The following GRM7 variants were observed in gnomAD, a reference collection of about 807,000 sequenced individuals.
GRM7 encodes the protein glutamate metabotropic receptor 7.
A neutral mutation model predicts 84.5 loss-of-function variants in GRM7; 35 were observed. That is an observed-to-expected ratio of 0.41 (90% CI 0.32 to 0.55). GRM7 has a LOEUF of 0.55. Among genes scored for constraint, GRM7 ranks in the 20% least tolerant of loss-of-function variants. The probability of loss-of-function intolerance (pLI) is 0.19; values close to 1 mark genes in which losing one functional copy is unlikely to be tolerated. For missense variants in GRM7, 1,003 were observed against 1,194.6 expected, an observed-to-expected ratio of 0.84 and a Z score of 2.36; for synonymous variants, 487 against 455.1, an observed-to-expected ratio of 1.07 and a Z score of -0.89.
rs534559057 is a variant in GRM7 at position 7,059,823 on chromosome 3, C to A, written c.520-86629C>A. ...TCAGCATTAAGATGTCTTCTAAGAA[C>A]CAAAACATTGGTCTTCTCCAGACAC... On this transcript the variant is annotated intron_variant, in intron 1 of 9. Transcript: ENST00000357716. Among the ~76,000 whole-genome samples the A allele has an allele frequency of 1.4e-4, 21 of 151,886 alleles. No homozygotes were observed. The South Asian group carries it at 3.9e-3, about 28-fold the overall frequency.
At chr3:7,648,294 G>T (rs1411415734) in intron 8 of GRM7, among the ~76,000 whole-genome samples, 1 of 151,128 alleles carries the variant, frequency 6.6e-6, no homozygotes, top group South Asian at 2.1e-4. Context: ...TGGCCATGAG[G>T]GGGAAGGAAA....
chr3:7,156,030 T>C (rs1694437769), intron 2 of GRM7, among the ~76,000 whole-genome samples: 1 of 152,180 alleles, frequency 6.6e-6, no homozygotes, highest in South Asian at 2.1e-4. Flanking sequence ...TCAAACAAGC[T>C]CCTGTTTAAA....
intron 1 of GRM7, among the ~76,000 whole-genome samples, chr3:6,901,603 C>CAAAAAAAAAAA (rs1160836530): frequency 5.2e-5 from 1 of 19,352 alleles, no homozygotes; most frequent in East Asian, 2.5e-3. Flanking sequence ...AAGACTCCGT[C>CAAAAAAAAAAA]TAAAAAAAAA....
At chr3:7,089,449 T>C (rs777517330) in intron 1 of GRM7, among the ~76,000 whole-genome samples, 4 of 152,190 alleles carry the variant, frequency 2.6e-5, no homozygotes, top group African/African-American at 4.8e-5. Context: ...TTTAATTGTG[T>C]TCATTCAGCC....
chr3:7,401,854 A>C (rs1007170206), intron 4 of GRM7, among the ~76,000 whole-genome samples: 1 of 152,142 alleles, frequency 6.6e-6, no homozygotes, highest in African/African-American at 2.4e-5. Context: ...AATATTAGTT[A>C]TGACCCTTAC....
At chr3:7,626,845 A>G (rs1697637521) in intron 8 of GRM7, among the ~76,000 whole-genome samples, 1 of 152,108 alleles carries the variant, frequency 6.6e-6, no homozygotes, top group African/African-American at 2.4e-5. Context: ...CATAAAAAAG[A>G]TCAAATATTT....
At chr3:7,385,728 C>A (rs962070163) in intron 4 of GRM7, among the ~76,000 whole-genome samples, 2 of 152,194 alleles carry the variant, frequency 1.3e-5, no homozygotes, top group African/African-American at 4.8e-5. Context: ...TTTGAGAATA[C>A]TCTTCCATGT....
chr3:7,115,708 T>G (rs1693008068), intron 1 of GRM7, among the ~76,000 whole-genome samples: 1 of 152,080 alleles, frequency 6.6e-6, no homozygotes. Context: ...ACGCCTGCCC[T>G]CACTAATCAT....
intron 8 of GRM7, among the ~76,000 whole-genome samples, chr3:7,654,125 G>C (rs866249322): frequency 6.6e-6 from 1 of 151,998 alleles, no homozygotes; most frequent in African/African-American, 2.4e-5. Context: ...GCTGATTTCT[G>C]GTCTCTTTCT....
chr3:7,162,084 A>T (rs73811619), intron 2 of GRM7, among the ~76,000 whole-genome samples: 9,569 of 152,204 alleles, frequency 0.063, 756 homozygotes, highest in African/African-American at 0.17. Context: ...AGATTTAAAG[A>T]ATGGGGTAGG....
At chr3:7,103,808 TTCTTTCTTTCTC>T (rs1254484102) in intron 1 of GRM7, among the ~76,000 whole-genome samples, 18 of 97,334 alleles carry the variant, frequency 1.8e-4, no homozygotes, top group African/African-American at 9.1e-4. Context: ...CTTTCTTTCT[TTCTTTCTTTCTC>T]TCTCTCTCTG....
At chr3:7,740,003 G>A (rs1559514796) in intron 9 of GRM7, among the ~76,000 whole-genome samples, 1 of 152,188 alleles carries the variant, frequency 6.6e-6, no homozygotes, top group Non-Finnish European at 1.5e-5. Context: ...TTATTAAAAG[G>A]TCTGTGAGAA....
intron 1 of GRM7, among the ~76,000 whole-genome samples, chr3:7,047,072 C>G (rs747906496): frequency 3.0e-4 from 46 of 151,610 alleles, no homozygotes; most frequent in Non-Finnish European, 6.5e-4. Context: ...GTCATAGTTG[C>G]AATAGTATAT....
At chr3:7,034,758 T>A (rs183921197) in intron 1 of GRM7, among the ~76,000 whole-genome samples, 1 of 152,194 alleles carries the variant, frequency 6.6e-6, no homozygotes, top group African/African-American at 2.4e-5. Context: ...AGTTAAAGGG[T>A]GACTGGTGCA....
At chr3:7,401,890 G>T (rs1342859457) in intron 4 of GRM7, among the ~76,000 whole-genome samples, 1 of 152,084 alleles carries the variant, frequency 6.6e-6, no homozygotes, top group Non-Finnish European at 1.5e-5. Flanking sequence ...ACAAACACTG[G>T]GATTTGCCTA....
rs149591823 is a variant in GRM7 at position 7,306,082 on chromosome 3, A to T, written c.879-416A>T. Reference sequence around the variant, plus strand: ...CATAATCATATTGCTTTTCAGAGATAGTGTATACCATCAGCAGTAAATGAG... The same window carrying T: ...CATAATCATATTGCTTTTCAGAGATTGTGTATACCATCAGCAGTAAATGAG... On this transcript the variant is annotated intron_variant, in intron 3 of 9. Coordinates refer to ENST00000357716, the MANE Select transcript of GRM7 (RefSeq NM_000844.4). 2.5e-3 allele frequency among the ~76,000 whole-genome samples: 386 copies of T among 152,320 alleles called. 1 individual carries two copies. The highest frequency in any genetic ancestry group is 8.8e-3 in the African/African-American group (366 of 41,584).
intron 9 of GRM7, chr3:7,681,190 G>A (rs929799160): frequency 6.6e-6 from 1 of 152,178 alleles, no homozygotes; most frequent in Admixed American, 6.5e-5. Flanking sequence ...TTTAGAATGA[G>A]GCAGATTCAA....
At chr3:7,109,129 CCTT>C (rs1692757303) in intron 1 of GRM7, among the ~76,000 whole-genome samples, 1 of 151,976 alleles carries the variant, frequency 6.6e-6, no homozygotes, top group African/African-American at 2.4e-5. Flanking sequence ...AAGATACACT[CCTT>C]CTTTTCCCTC....
At chr3:7,476,204 G>A (rs755434840) in intron 7 of GRM7, among the ~76,000 whole-genome samples, 11 of 152,300 alleles carry the variant, frequency 7.2e-5, no homozygotes, top group Non-Finnish European at 7.4e-5. Flanking sequence ...CAAAATGGGA[G>A]TAATATTGGG....
Sources: gnomAD v4.1 joint callset for allele counts (sites outside exome capture counted in the v4.1 genomes callset) on GRCh38, gnomAD v4.1.1 for gene constraint, MANE v1.5 for transcripts, NCBI Gene and HGNC (gene_info 2026-07-23, HGNC 2026-07-21) for gene names.